The following PTPRN2 variants were observed in gnomAD, a reference collection of about 807,000 sequenced individuals.
PTPRN2 encodes protein tyrosine phosphatase receptor type N2.
A neutral mutation model predicts 118.8 loss-of-function variants in PTPRN2; 74 were observed. The ratio of observed to expected loss-of-function variants is 0.62; its 90% CI spans 0.52 to 0.76. The LOEUF (loss-of-function observed/expected upper bound fraction) is 0.76, where lower values mean the gene tolerates loss of function less well. Among genes scored for constraint, PTPRN2 ranks in the 30% least tolerant of loss-of-function variants. The probability of loss-of-function intolerance (pLI) is 0.00; values close to 1 mark genes in which losing one functional copy is unlikely to be tolerated. For missense variants in PTPRN2, 1,481 were observed against 1,394.4 expected (o/e 1.06, Z -0.99); for synonymous variants, 641 against 608.0 (o/e 1.05, Z -0.80).
intron 11 of PTPRN2, among the ~76,000 whole-genome samples, chr7:157,992,664 G>T (rs774911969): frequency 6.6e-6 from 1 of 152,340 alleles, no homozygotes; most frequent in East Asian, 1.9e-4. Context: ...GGAGGGGTTG[G>T]GGTGGCCCAA....
At chr7:158,326,871 GCACACGTTCTCA>G (rs1803609568) in intron 2 of PTPRN2, among the ~76,000 whole-genome samples, 1 of 144,870 alleles carries the variant, frequency 6.9e-6, no homozygotes, top group Non-Finnish European at 1.5e-5. Flanking sequence ...ATTCTCGCAT[GCACACGTTCTCA>G]CACATGCACA....
intron 16 of PTPRN2, among the ~76,000 whole-genome samples, chr7:157,602,512 C>A (rs988142563): frequency 2.7e-5 from 4 of 150,020 alleles, no homozygotes; most frequent in Non-Finnish European, 5.9e-5. Flanking sequence ...CCAGCAGAGC[C>A]GAGAGCTGAG....
intron 1 of PTPRN2, among the ~76,000 whole-genome samples, chr7:158,573,020 C>T (rs1238609750): frequency 1.3e-5 from 2 of 152,172 alleles, no homozygotes; most frequent in Non-Finnish European, 2.9e-5. Context: ...TTGAAATGTT[C>T]TTAGACTAAG....
intron 2 of PTPRN2, among the ~76,000 whole-genome samples, chr7:158,341,978 C>G (rs1806929723): frequency 6.6e-6 from 1 of 150,922 alleles, no homozygotes; most frequent in Non-Finnish European, 1.5e-5. Context: ...CTCACACCCA[C>G]ACTCTCACCA....
At chr7:158,035,375 G>A (rs991774983) in intron 11 of PTPRN2, among the ~76,000 whole-genome samples, 8 of 152,228 alleles carry the variant, frequency 5.3e-5, no homozygotes, top group Non-Finnish European at 1.0e-4. Flanking sequence ...ATTAGTAAAC[G>A]TGAAAGGAAG....
At chr7:158,333,802 C>G (rs112432910) in intron 2 of PTPRN2, among the ~76,000 whole-genome samples, 237 of 144,186 alleles carry the variant, frequency 1.6e-3, no homozygotes, top group African/African-American at 6.0e-3. Context: ...ACCATAAGAG[C>G]TGAGGCCCAC....
intron 5 of PTPRN2, among the ~76,000 whole-genome samples, chr7:158,170,372 A>C (rs1823427203): frequency 6.6e-6 from 1 of 152,176 alleles, no homozygotes; most frequent in Non-Finnish European, 1.5e-5. Flanking sequence ...GAATGCAGTA[A>C]CCTGGAGCTT....
chr7:157,945,498 C>T (rs575832282), intron 11 of PTPRN2, among the ~76,000 whole-genome samples: 1 of 152,170 alleles, frequency 6.6e-6, no homozygotes, highest in Admixed American at 6.5e-5. Flanking sequence ...AGTGACCTGG[C>T]CCCTGAACCT....
At chr7:158,115,466 T>C (rs897741502) in intron 9 of PTPRN2, among the ~76,000 whole-genome samples, 5 of 152,072 alleles carry the variant, frequency 3.3e-5, no homozygotes. Context: ...TATGAACTAA[T>C]TGTGACCCCT....
intron 3 of PTPRN2, among the ~76,000 whole-genome samples, chr7:158,271,511 C>T (rs546076902): frequency 2.0e-4 from 31 of 152,164 alleles, no homozygotes; most frequent in African/African-American, 7.2e-4. Context: ...TCCACATGCA[C>T]GGGACGGGGG....
At chr7:157,723,126 G>A (rs1323623767) in intron 12 of PTPRN2, among the ~76,000 whole-genome samples, 2 of 152,240 alleles carry the variant, frequency 1.3e-5, no homozygotes, top group Non-Finnish European at 2.9e-5. Context: ...CTCCTTCAAA[G>A]AGGAACTCAC....
chr7:158,233,127 G>A lies in PTPRN2; in HGVS notation c.278-27854C>T, dbSNP rs1167717459. ...AGGCACCCAAATTGGAAAGGAAAAA[G>A]TCAAATTAGCCTTATTTGCAGACAT... On this transcript the variant is annotated intron_variant, in intron 3 of 22. Coordinates refer to ENST00000389418, the MANE Select transcript of PTPRN2 (RefSeq NM_002847.5). 2.0e-5 allele frequency among the ~76,000 whole-genome samples: 3 copies of A among 152,098 alleles called. No homozygotes were observed. The East Asian group carries it at 5.8e-4, about 29-fold the overall frequency.
intron 12 of PTPRN2, among the ~76,000 whole-genome samples, chr7:157,696,871 G>A (rs2952629): frequency 0.09 from 5,062 of 56,092 alleles, 204 homozygotes; most frequent in East Asian, 0.14. Context: ...TGCATACTGG[G>A]TCTTGGCAGA....
At chr7:157,761,328 C>G (rs546929607) in intron 12 of PTPRN2, among the ~76,000 whole-genome samples, 39 of 150,568 alleles carry the variant, frequency 2.6e-4, no homozygotes, top group Non-Finnish European at 5.4e-4. Flanking sequence ...CTGGAGGCAT[C>G]ACACTACCTG....
At chr7:158,323,225 A>G (rs962885438) in intron 2 of PTPRN2, among the ~76,000 whole-genome samples, 4 of 152,230 alleles carry the variant, frequency 2.6e-5, no homozygotes, top group African/African-American at 9.6e-5. Context: ...TCAGGGACTC[A>G]ACGAACTGGG....
At chr7:158,568,077 A>C (rs1370394345) in intron 1 of PTPRN2, among the ~76,000 whole-genome samples, 1 of 152,028 alleles carries the variant, frequency 6.6e-6, no homozygotes, top group Non-Finnish European at 1.5e-5. Context: ...ACATGGTGAA[A>C]CCTCGTATCT....
At position 157,578,002 on chromosome 7, in the gene PTPRN2, G is replaced by C; in HGVS notation, c.2616+19C>G. On this transcript the variant is annotated intron_variant, in intron 18 of 22. Coordinates refer to ENST00000389418, the MANE Select transcript of PTPRN2 (RefSeq NM_002847.5). ...GTCCGGCTGGTGGGTCCTGCCCTGG[G>C]TGGCTCTGGTCGGAGTACCTCATAG... The C allele has an allele frequency of 1.3e-6, 2 of 1,595,276 alleles. No individual in the cohort carries two copies. Among genetic ancestry groups the C allele is most frequent in the Non-Finnish European group, 1.7e-6 (2 of 1,166,290 alleles).
At chr7:158,359,656 T>C (rs913726938) in intron 2 of PTPRN2, among the ~76,000 whole-genome samples, 4 of 152,204 alleles carry the variant, frequency 2.6e-5, no homozygotes, top group Non-Finnish European at 5.9e-5. Flanking sequence ...ACCGTGACCA[T>C]GGCTATTTAA....
chr7:158,253,433 C>G (rs934696160), intron 3 of PTPRN2, among the ~76,000 whole-genome samples: 1 of 152,226 alleles, frequency 6.6e-6, no homozygotes, highest in African/African-American at 2.4e-5. Context: ...GGAGGAAGCA[C>G]TCAACAGAAC....
Sources: allele counts gnomAD v4.1 joint callset (sites outside exome capture counted in the v4.1 genomes callset), GRCh38; gene constraint gnomAD v4.1.1; transcripts MANE v1.5; gene names NCBI Gene and HGNC (gene_info 2026-07-23, HGNC 2026-07-21).